SEC14L1: variants seen among roughly 807,000 people sequenced by gnomAD.
SEC14L1 encodes SEC14 like lipid binding 1, also known as SEC14-like protein 1.
A neutral mutation model predicts 85.3 loss-of-function variants in SEC14L1; 48 were observed. The ratio of observed to expected loss-of-function variants is 0.56; its 90% CI spans 0.45 to 0.72. The LOEUF (loss-of-function observed/expected upper bound fraction) is 0.72, where lower values mean the gene tolerates loss of function less well. Among genes scored for constraint, SEC14L1 ranks in the 30% least tolerant of loss-of-function variants. The pLI is 0.00. For missense variants in SEC14L1, 682 were observed against 921.4 expected (o/e 0.74, Z 3.36); for synonymous variants, 391 against 355.5 (o/e 1.10, Z -1.12).
intron 3 of SEC14L1, among the ~76,000 whole-genome samples, chr17:77,183,637 A>G (rs1409526859): frequency 6.6e-5 from 10 of 152,218 alleles, no homozygotes. Context: ...TCAGAAAAAT[A>G]CAAATAAAAA....
intron 3 of SEC14L1, among the ~76,000 whole-genome samples, chr17:77,172,983 C>G (rs1974587870): frequency 6.6e-6 from 1 of 152,190 alleles, no homozygotes; most frequent in Admixed American, 6.5e-5. Flanking sequence ...ATTGTCATAG[C>G]AGCCCTGCGA....
chr17:77,155,318 ACACACC>A (rs963363518), intron 3 of SEC14L1, among the ~76,000 whole-genome samples: 2 of 152,120 alleles, frequency 1.3e-5, no homozygotes, highest in Non-Finnish European at 2.9e-5. Context: ...AGAAACAAAC[ACACACC>A]CACACCCACA....
chr17:77,208,138 T>C (rs1976560578), intron 13 of SEC14L1, among the ~76,000 whole-genome samples: 2 of 152,234 alleles, frequency 1.3e-5, no homozygotes, highest in African/African-American at 4.8e-5. Flanking sequence ...TTCAGGGGAC[T>C]TTGGACTTTC....
At chr17:77,136,325 C>T (rs1249363913), upstream of SEC14L1, among the ~76,000 whole-genome samples, 2 of 148,068 alleles carry the variant, frequency 1.4e-5, no homozygotes, top group Non-Finnish European at 3.0e-5. Flanking sequence ...CCCTCCCTCT[C>T]CCCTTCCCTC....
intron 3 of SEC14L1, among the ~76,000 whole-genome samples, chr17:77,147,080 G>A (rs916208740): frequency 1.3e-5 from 2 of 152,210 alleles, no homozygotes; most frequent in Admixed American, 6.5e-5. Flanking sequence ...TCACTAGAAC[G>A]CACGGTGGCG....
chr17:77,126,269 A>G (rs1972445029), intron 3 of SEC14L1, among the ~76,000 whole-genome samples: 1 of 152,260 alleles, frequency 6.6e-6, no homozygotes, highest in Non-Finnish European at 1.5e-5. Flanking sequence ...TGGTGTCCCC[A>G]TCTGCGAAAT....
chr17:77,121,621 T>C (rs1305377960), intron 3 of SEC14L1, among the ~76,000 whole-genome samples: 1 of 152,102 alleles, frequency 6.6e-6, no homozygotes, highest in Non-Finnish European at 1.5e-5. Flanking sequence ...CCTCCCAAAG[T>C]GCTGGGATTA....
chr17:77,138,485 G>A (rs555007398), upstream of SEC14L1, among the ~76,000 whole-genome samples: 51 of 152,102 alleles, frequency 3.4e-4, no homozygotes, highest in Non-Finnish European at 6.2e-4. Context: ...CTGGGCACTC[G>A]CCTGTAATCC....
intron 3 of SEC14L1, among the ~76,000 whole-genome samples, chr17:77,164,248 C>T (rs943255980): frequency 1.3e-5 from 2 of 152,232 alleles, no homozygotes; most frequent in Non-Finnish European, 2.9e-5. Flanking sequence ...CATCAGCCCA[C>T]GGCGCTCAGG....
chr17:77,183,640 A>G (rs1456447006), intron 3 of SEC14L1, among the ~76,000 whole-genome samples: 1 of 152,202 alleles, frequency 6.6e-6, no homozygotes, highest in African/African-American at 2.4e-5. Flanking sequence ...GAAAAATACA[A>G]ATAAAAAATA....
intron 3 of SEC14L1, among the ~76,000 whole-genome samples, chr17:77,189,614 T>C (rs2143786842): frequency 6.6e-6 from 1 of 152,174 alleles, no homozygotes; most frequent in East Asian, 1.9e-4. Context: ...GTTTTTTCAT[T>C]CTCTTAACAG....
rs1382368811 is a variant in SEC14L1, at chr17:77,215,082, CTGTGTGTG to C, written c.*1062_*1069del. The C allele has an allele frequency of 2.0e-6, 2 of 984,778 alleles. No homozygotes were observed. Among genetic ancestry groups the C allele is most frequent in the Non-Finnish European group, 2.4e-6 (2 of 829,718 alleles). The allele number at this position is 984,778 out of a possible 1,614,324, so 61.0% of individuals were successfully genotyped here. A position where few individuals can be genotyped will look rare whatever the true frequency, so the allele number is the denominator to read the frequency against. ...TCATGCGTGTGTGTGTGTGCATGTGCTGTGTGTGTGCATGTGTGCATGACGGTGGGGGT... is the reference window on the plus strand; with the variant it reads ...TCATGCGTGTGTGTGTGTGCATGTGCTGCATGTGTGCATGACGGTGGGGGT... On this transcript the variant is annotated 3_prime_UTR_variant, in exon 17 of 17. Coordinates refer to ENST00000436233, the MANE Select transcript of SEC14L1 (RefSeq NM_001143998.2).
At chr17:77,095,588 G>A (rs1971622818) in intron 3 of SEC14L1, among the ~76,000 whole-genome samples, 1 of 152,206 alleles carries the variant, frequency 6.6e-6, no homozygotes, top group African/African-American at 2.4e-5. Context: ...AGCACTTTAG[G>A]AGGCCGAGGC....
Position 77,194,880 on chromosome 17 carries a change from C to T in SEC14L1, c.678C>T (p.Ser226=), listed in dbSNP as rs674402. The part of the protein sequence containing the change: ...GLSGDALSSP[S]APEPVVGTPD... Reference sequence around the variant, plus strand: ...GTGGTGATGCCCTCAGCAGCCCCAGCGCACCTGAGCCCGTGGTGGGCACCC... The same window carrying T: ...GTGGTGATGCCCTCAGCAGCCCCAGTGCACCTGAGCCCGTGGTGGGCACCC... The change falls in exon 7 of 17, where the codon AGC becomes AGT. Residue 226 remains serine, a synonymous_variant. Coordinates refer to ENST00000436233, the MANE Select transcript of SEC14L1 (RefSeq NM_001143998.2). 0.38 allele frequency: 611,396 copies of T among 1,613,532 alleles called. 117,884 individuals are homozygous for T. The highest frequency in any genetic ancestry group is 0.43 in the South Asian group (38,949 of 91,066).
chr17:77,208,629 C>G (rs374352161), intron 13 of SEC14L1, among the ~76,000 whole-genome samples: 1 of 152,178 alleles, frequency 6.6e-6, no homozygotes, highest in African/African-American at 2.4e-5. Context: ...TACTAACCAG[C>G]GGGCAGTCTG....
intron 1 of SEC14L1, 177 bp downstream of exon 1, chr17:77,141,284 C>T (rs1973018215): frequency 7.2e-6 from 1 of 139,820 alleles, no homozygotes; most frequent in African/African-American, 2.7e-5. Flanking sequence ...TGCCCCCGCC[C>T]CCCTGCTCGC....
intron 3 of SEC14L1, among the ~76,000 whole-genome samples, chr17:77,155,423 C>T (rs1362369675): frequency 6.6e-6 from 1 of 152,230 alleles, no homozygotes; most frequent in Non-Finnish European, 1.5e-5. Context: ...TGTGGCCCCG[C>T]AGGTACCTTA....
chr17:77,211,874 G>A (rs1976768638), intron 14 of SEC14L1, 76 bp from the exon 15 acceptor site: 1 of 1,567,336 alleles, frequency 6.4e-7, no homozygotes, highest in South Asian at 1.2e-5. Flanking sequence ...TGGATCCCCT[G>A]GAGAGCACGA....
At chr17:77,091,499 G>A (rs1051821712) in intron 2 of SEC14L1, among the ~76,000 whole-genome samples, 1 of 152,234 alleles carries the variant, frequency 6.6e-6, no homozygotes, top group African/African-American at 2.4e-5. Flanking sequence ...TGCAATGATG[G>A]AAATGGCCTA....
Sources: gnomAD v4.1 joint callset for allele counts (sites outside exome capture counted in the v4.1 genomes callset) on GRCh38, gnomAD v4.1.1 for gene constraint, MANE v1.5 for transcripts, NCBI Gene and HGNC (gene_info 2026-07-23, HGNC 2026-07-21) for gene names.